Variants in TDRD3 observed in about 807,000 individuals in gnomAD.
The protein encoded by TDRD3 is tudor domain containing 3, also known as tudor domain-containing protein 3.
In TDRD3, 45 loss-of-function variants were observed where a neutral mutation model predicts 86.7. The observed-to-expected ratio is 0.52, with a 90% CI of 0.41 to 0.67. TDRD3 has a LOEUF of 0.67. Ranked by LOEUF, TDRD3 falls within the 30% of genes least tolerant of loss-of-function variation. The probability of loss-of-function intolerance (pLI) is 0.00; values close to 1 mark genes in which losing one functional copy is unlikely to be tolerated. For synonymous variants in TDRD3, 298 were observed against 301.7 expected (o/e 0.99, Z 0.13); for missense variants, 814 against 889.0 (o/e 0.92, Z 1.07).
chr13:60,441,637 G>T (rs1364087240), intron 2 of TDRD3, among the ~76,000 whole-genome samples: 1 of 152,070 alleles, frequency 6.6e-6, no homozygotes, highest in African/African-American at 2.4e-5. Context: ...AATTAACCAC[G>T]AGTTGAGAAA....
Position 60,509,896 on chromosome 13 carries a change from C to G in TDRD3, c.992C>G (p.Pro331Arg), listed in dbSNP as rs145444654. 226 of 1,613,482 alleles carry G rather than the reference C, an allele frequency of 1.4e-4. 1 individual carries two copies. The highest frequency in any genetic ancestry group is 1.9e-4 in the Non-Finnish European group (223 of 1,179,626). Residue 331 changes from proline (P) to arginine (R), a missense_variant, in exon 9 of 14, where the codon CCT (proline) becomes CGT (arginine). Pro to Arg is a moderately radical substitution (Grantham distance 103). Coordinates refer to ENST00000377881, the MANE Select transcript of TDRD3 (RefSeq NM_001146070.2). Reference sequence around the variant, plus strand: ...CTTCTTACAAGCAATAAACAGAAACCTGTTATGGGTCCTCCTCTGAGAGGT... The same window carrying G: ...CTTCTTACAAGCAATAAACAGAAACGTGTTATGGGTCCTCCTCTGAGAGGT... The part of the protein sequence containing the change: ...NVLLTSNKQK[P>R]VMGPPLRGRG...
At chr13:60,434,694 A>C (rs796265441) in intron 1 of TDRD3, among the ~76,000 whole-genome samples, 23 of 148,938 alleles carry the variant, frequency 1.5e-4, no homozygotes, top group African/African-American at 5.7e-4. Context: ...TTAGAGAGTG[A>C]AAAAAAAAAG....
intron 10 of TDRD3, among the ~76,000 whole-genome samples, chr13:60,525,785 G>C (rs1415203756): frequency 6.6e-6 from 1 of 152,100 alleles, no homozygotes; most frequent in African/African-American, 2.4e-5. Context: ...GCATGAGAGT[G>C]CTTGAGTACA....
chr13:60,451,121 A>G lies in TDRD3; in HGVS notation c.192+6373A>G, dbSNP rs1396790851. On this transcript the variant is annotated intron_variant, in intron 3 of 13. Transcript: ENST00000377881. ...GTATAGTGGATATTTGTAATTTCTA[A>G]AACCTGAATTATCTCCCTGTGGGGG... 2.0e-5 allele frequency among the ~76,000 whole-genome samples: 3 copies of G among 152,220 alleles called. No homozygotes were observed. In the East Asian group the frequency reaches 5.8e-4, roughly 29 times the overall value.
chr13:60,556,203 G>A (rs1958181019), intron 12 of TDRD3, among the ~76,000 whole-genome samples: 1 of 152,060 alleles, frequency 6.6e-6, no homozygotes, highest in African/African-American at 2.4e-5. Flanking sequence ...TTTACACTAA[G>A]ACTATCTTTA....
At chr13:60,533,431 A>C (rs909434470) in intron 11 of TDRD3, among the ~76,000 whole-genome samples, 13 of 152,164 alleles carry the variant, frequency 8.5e-5, no homozygotes, top group Non-Finnish European at 1.9e-4. Flanking sequence ...ACTTGAGGTC[A>C]GGAGTTCGAG....
Position 60,397,321 on chromosome 13 carries a change from A to AACCCCCCCC in TDRD3, c.-44_-43insACCCCCCCC. The AACCCCCCCC allele has an allele frequency of 9.0e-7, 1 of 1,113,174 alleles. No homozygotes were observed. The highest frequency in any genetic ancestry group is 1.2e-6 in the Non-Finnish European group (1 of 829,460). The allele number at this position is 1,113,174 out of a possible 1,614,324, so 69.0% of individuals were successfully genotyped here. On this transcript the variant is annotated 5_prime_UTR_variant, in exon 1 of 14. Transcript: ENST00000377881. ...GTCTCAAGTAGGAGGCCTCCCCATC[A>AACCCCCCCC]CCCCCACCCCAGCCCCCCACCACCC...
intron 11 of TDRD3, among the ~76,000 whole-genome samples, chr13:60,534,650 G>T (rs377030623): frequency 8.6e-5 from 13 of 151,810 alleles, no homozygotes; most frequent in African/African-American, 3.1e-4. Context: ...TGTTGGCTGG[G>T]CGCAGTGGCT....
intron 10 of TDRD3, among the ~76,000 whole-genome samples, chr13:60,517,912 A>G (rs1379537710): frequency 6.6e-6 from 1 of 152,196 alleles, no homozygotes; most frequent in Non-Finnish European, 1.5e-5. Context: ...GCATTTTACA[A>G]AAGTAACAGT....
intron 10 of TDRD3, among the ~76,000 whole-genome samples, chr13:60,523,687 C>G (rs1040519088): frequency 1.3e-5 from 2 of 151,182 alleles, no homozygotes; most frequent in African/African-American, 4.9e-5. Context: ...AGCAATTCGC[C>G]TACCTCAGCC....
At chr13:60,567,067 T>C (rs1020598540) in intron 12 of TDRD3, among the ~76,000 whole-genome samples, 2 of 152,228 alleles carry the variant, frequency 1.3e-5, no homozygotes, top group East Asian at 3.8e-4. Flanking sequence ...TGAACATTCT[T>C]TGGCTCTTCA....
rs910613257 is a variant in TDRD3 at position 60,571,171 on chromosome 13, A to C, written c.*10-2445A>C. ...TACAAAATTCACCCTAAAAAATAAG[A>C]CATGTAATCTTGTTTGAAGAAAATT... On this transcript the variant is annotated intron_variant, in intron 13 of 13. Coordinates refer to ENST00000377881, the MANE Select transcript of TDRD3 (RefSeq NM_001146070.2). Among the ~76,000 whole-genome samples, 7 of 152,170 alleles carry C rather than the reference A, an allele frequency of 4.6e-5. No homozygotes were observed. The East Asian group carries it at 1.3e-3, about 29-fold the overall frequency.
In TDRD3 at chr13:60,397,240, G is replaced by T. The variant is rs1953939837; in HGVS notation, c.-125G>T. On this transcript the variant is annotated 5_prime_UTR_variant, in exon 1 of 14. Transcript: ENST00000377881. ...GCCGCACTGAGCATGCCCAGTTGCA[G>T]AGCCGACCAGAGGAGTTTTTTCTTT... The T allele has an allele frequency of 1.9e-6, 1 of 530,412 alleles. No homozygotes were observed. The highest frequency in any genetic ancestry group is 3.0e-6 in the Non-Finnish European group (1 of 331,174). 32.9% of individuals were successfully genotyped at this position (530,412 alleles called of 1,614,324 possible). A position where few individuals can be genotyped will look rare whatever the true frequency, so the allele number is the denominator to read the frequency against.
chr13:60,427,266 G>A (rs1398622057), intron 1 of TDRD3, among the ~76,000 whole-genome samples: 1 of 152,140 alleles, frequency 6.6e-6, no homozygotes, highest in Admixed American at 6.5e-5. Flanking sequence ...TTTTTCTTCA[G>A]AATGTGTTCC....
intron 11 of TDRD3, among the ~76,000 whole-genome samples, chr13:60,534,686 G>T (rs893382367): frequency 1.3e-5 from 2 of 151,924 alleles, no homozygotes; most frequent in African/African-American, 2.4e-5. Flanking sequence ...AGTACTGTGG[G>T]AGGCCAAGGC....
intron 12 of TDRD3, among the ~76,000 whole-genome samples, chr13:60,561,863 TTTGTTG>T (rs535474569): frequency 0.022 from 2,538 of 117,332 alleles, 56 homozygotes; most frequent in African/African-American, 0.062. Flanking sequence ...GCCCAGGTTT[TTTGTTG>T]TTGTTGTTGT....
intron 12 of TDRD3, among the ~76,000 whole-genome samples, chr13:60,553,430 C>T (rs369459882): frequency 2.4e-4 from 37 of 152,202 alleles, no homozygotes; most frequent in South Asian, 1.2e-3. Context: ...GTTCCAAAGT[C>T]GCTTCCACAT....
intron 7 of TDRD3, 117 bp downstream of exon 7, chr13:60,486,065 T>C (rs1485261661): frequency 2.8e-6 from 3 of 1,054,076 alleles, no homozygotes; most frequent in Non-Finnish European, 3.8e-6. Context: ...CTTAACCTTA[T>C]TCTTCTTGCA....
chr13:60,420,889 A>G (rs1315126594), intron 1 of TDRD3, among the ~76,000 whole-genome samples: 1 of 152,168 alleles, frequency 6.6e-6, no homozygotes. Flanking sequence ...GCTTGCAGTG[A>G]GCCGAGATCA....
Sources: allele counts gnomAD v4.1 joint callset (sites outside exome capture counted in the v4.1 genomes callset), GRCh38; gene constraint gnomAD v4.1.1; transcripts MANE v1.5; gene names NCBI Gene and HGNC (gene_info 2026-07-23, HGNC 2026-07-21).